The following IMMP2L variants were observed in gnomAD, a reference collection of about 807,000 sequenced individuals.
The protein encoded by IMMP2L is inner mitochondrial membrane peptidase subunit 2.
Under a neutral mutation model 19.3 loss-of-function variants are expected in IMMP2L, and 18 were observed. The observed-to-expected ratio is 0.93, with a 90% confidence interval of 0.64 to 1.38. IMMP2L has a LOEUF of 1.38. IMMP2L is among the 40% of genes most tolerant of loss of function. The pLI, the probability that IMMP2L is intolerant of heterozygous loss-of-function variation, is 0.00. For missense variants in IMMP2L, 233 were observed against 218.2 expected, an observed-to-expected ratio of 1.07 and a Z score of -0.43; for synonymous variants, 76 against 73.0, an observed-to-expected ratio of 1.04 and a Z score of -0.21.
intron 5 of IMMP2L, among the ~76,000 whole-genome samples, chr7:110,693,869 G>A (rs1472181916): frequency 1.3e-5 from 2 of 152,136 alleles, no homozygotes; most frequent in African/African-American, 4.8e-5. Context: ...GGTCAAGCTA[G>A]TCTTTCTGGG....
chr7:110,714,911 A>G, intron 5 of IMMP2L, among the ~76,000 whole-genome samples: 1 of 151,894 alleles, frequency 6.6e-6, no homozygotes, highest in East Asian at 1.9e-4. Context: ...GCTTTTTTTA[A>G]TTGGCCAATT....
At chr7:111,436,005 A>C (rs773856393) in intron 3 of IMMP2L, among the ~76,000 whole-genome samples, 5 of 151,678 alleles carry the variant, frequency 3.3e-5, no homozygotes, top group Non-Finnish European at 5.9e-5. Flanking sequence ...GATTTTCTTC[A>C]ACTTATTGCC....
chr7:111,381,645 A>G (rs753173851), intron 3 of IMMP2L, among the ~76,000 whole-genome samples: 3 of 152,002 alleles, frequency 2.0e-5, no homozygotes, highest in Non-Finnish European at 4.4e-5. Context: ...GAGAGAGGAC[A>G]GTCTCAGCCA....
chr7:111,396,139 C>T (rs1832840815), intron 3 of IMMP2L, among the ~76,000 whole-genome samples: 1 of 151,988 alleles, frequency 6.6e-6, no homozygotes, highest in Non-Finnish European at 1.5e-5. Flanking sequence ...TGGGTATATA[C>T]CCAAAGGATT....
chr7:111,315,497 C>T lies in IMMP2L; in HGVS notation c.239+171741G>A, dbSNP rs562054081. ...TGGATTTCTAAAAATATTTCTGATGCTTCTGCATTTCTTAAAAATTTACGT... is the reference window on the plus strand; with the variant it reads ...TGGATTTCTAAAAATATTTCTGATGTTTCTGCATTTCTTAAAAATTTACGT... On this transcript the variant is annotated intron_variant, in intron 3 of 5. Transcript: ENST00000405709. Among the ~76,000 whole-genome samples the T allele has an allele frequency of 1.9e-3, 296 of 151,926 alleles. 1 individual carries two copies. Among genetic ancestry groups the T allele is most frequent in the African/African-American group, 6.7e-3 (276 of 41,458 alleles).
intron 3 of IMMP2L, among the ~76,000 whole-genome samples, chr7:111,161,931 A>G (rs1483126535): frequency 6.6e-6 from 1 of 152,092 alleles, no homozygotes; most frequent in Non-Finnish European, 1.5e-5. Flanking sequence ...CATTTAAAAA[A>G]AATTATATTA....
At chr7:111,433,583 T>A (rs1019155789) in intron 3 of IMMP2L, among the ~76,000 whole-genome samples, 2 of 151,720 alleles carry the variant, frequency 1.3e-5, no homozygotes, top group African/African-American at 4.9e-5. Context: ...CTACAACACA[T>A]GGGAATTATG....
At chr7:110,789,332 T>C (rs1312968403) in intron 5 of IMMP2L, among the ~76,000 whole-genome samples, 1 of 151,804 alleles carries the variant, frequency 6.6e-6, no homozygotes, top group Non-Finnish European at 1.5e-5. Flanking sequence ...TGATGGTAAA[T>C]GGAACAGATT....
At chr7:110,793,850 A>G (rs906591017) in intron 5 of IMMP2L, among the ~76,000 whole-genome samples, 19 of 152,146 alleles carry the variant, frequency 1.2e-4, no homozygotes, top group Non-Finnish European at 2.4e-4. Context: ...CTTAATTATT[A>G]AAAAATTTAT....
chr7:111,295,036 A>T (rs1382225456), intron 3 of IMMP2L, among the ~76,000 whole-genome samples: 1 of 151,876 alleles, frequency 6.6e-6, no homozygotes, highest in East Asian at 1.9e-4. Context: ...AAGTTTTCTG[A>T]TAATATGTGA....
intron 3 of IMMP2L, among the ~76,000 whole-genome samples, chr7:111,152,716 A>C (rs1804216136): frequency 6.6e-6 from 1 of 152,150 alleles, no homozygotes; most frequent in African/African-American, 2.4e-5. Context: ...ATAGACAAAA[A>C]GGCCATTATT....
chr7:111,550,852 A>C (rs1239970205), intron 1 of IMMP2L, among the ~76,000 whole-genome samples: 1 of 152,148 alleles, frequency 6.6e-6, no homozygotes, highest in East Asian at 1.9e-4. Context: ...AAGACAGGGA[A>C]GGAGTCAGGT....
chr7:111,541,236 C>T (rs1178266362), intron 1 of IMMP2L, among the ~76,000 whole-genome samples: 1 of 152,116 alleles, frequency 6.6e-6, no homozygotes, highest in Non-Finnish European at 1.5e-5. Flanking sequence ...TCAATACACC[C>T]ATGTTCAAAG....
intron 3 of IMMP2L, among the ~76,000 whole-genome samples, chr7:111,182,319 G>C (rs17441046): frequency 0.042 from 6,334 of 151,912 alleles, 199 homozygotes; most frequent in South Asian, 0.08. Context: ...TTACCTTCAG[G>C]TATTTACCAC....
intron 3 of IMMP2L, among the ~76,000 whole-genome samples, chr7:111,384,004 T>C (rs952609372): frequency 1.3e-5 from 2 of 152,056 alleles, no homozygotes; most frequent in Non-Finnish European, 2.9e-5. Context: ...CCCAGCCAGG[T>C]GAGGTGGCTC....
rs114597359 is a variant in IMMP2L at position 111,057,053 on chromosome 7, G to C, written c.240-93488C>G. 3.9e-3 allele frequency among the ~76,000 whole-genome samples: 588 copies of C among 152,212 alleles called. 3 individuals are homozygous for C. The highest frequency in any genetic ancestry group is 0.014 in the African/African-American group (568 of 41,532). On this transcript the variant is annotated intron_variant, in intron 3 of 5. Transcript: ENST00000405709. ...TTGGAAACTTTCATTTTTACTCACA[G>C]ATATGATTTTTTCAAATTGTTAATA...
At chr7:110,949,176 T>C (rs1192685425) in intron 4 of IMMP2L, among the ~76,000 whole-genome samples, 2 of 152,174 alleles carry the variant, frequency 1.3e-5, no homozygotes, top group African/African-American at 4.8e-5. Context: ...GAGCCAATTC[T>C]CCTAATAAAT....
intron 3 of IMMP2L, among the ~76,000 whole-genome samples, chr7:111,224,872 A>T (rs1812909345): frequency 6.6e-6 from 1 of 152,122 alleles, no homozygotes; most frequent in African/African-American, 2.4e-5. Context: ...AAAGCAAGCA[A>T]AGTCTGTTTT....
intron 3 of IMMP2L, among the ~76,000 whole-genome samples, chr7:111,444,114 GGTT>G (rs1231374546): frequency 6.6e-6 from 1 of 151,986 alleles, no homozygotes; most frequent in African/African-American, 2.4e-5. Context: ...AGAGAAATAA[GGTT>G]GTTACTTTTT....
Sources: gnomAD v4.1 joint callset for allele counts (sites outside exome capture counted in the v4.1 genomes callset) on GRCh38, gnomAD v4.1.1 for gene constraint, MANE v1.5 for transcripts, NCBI Gene and HGNC (gene_info 2026-07-23, HGNC 2026-07-21) for gene names.